EVI5: variants seen among roughly 807,000 people sequenced by gnomAD.
The protein encoded by EVI5 is ecotropic viral integration site 5 protein homolog.
Under a neutral mutation model 112.0 loss-of-function variants are expected in EVI5, and 73 were observed. That is an observed-to-expected ratio of 0.65 (90% confidence interval 0.54 to 0.79). The LOEUF (loss-of-function observed/expected upper bound fraction) is 0.79, where lower values mean the gene tolerates loss of function less well. EVI5 is among the 30% of genes least tolerant of loss of function. The pLI, the probability that EVI5 is intolerant of heterozygous loss-of-function variation, is 0.00. For missense variants in EVI5, 900 were observed against 968.8 expected, an observed-to-expected ratio of 0.93 and a Z score of 0.94; for synonymous variants, 305 against 319.9, an observed-to-expected ratio of 0.95 and a Z score of 0.50.
chr1:92,619,939 TA>T (rs1459340291), intron 16 of EVI5, among the ~76,000 whole-genome samples: 1 of 151,950 alleles, frequency 6.6e-6, no homozygotes, highest in Non-Finnish European at 1.5e-5. Flanking sequence ...AGAAAAATGA[TA>T]GGGGCAAAAC....
rs963206352 is a variant in EVI5 at position 92,573,333 on chromosome 1, G to A, written c.2071-9596C>T. On this transcript the variant is annotated intron_variant, in intron 18 of 19. Coordinates refer to ENST00000684568, the MANE Select transcript of EVI5 (RefSeq NM_001350197.2). ...ACCTACATTTGAAGTGTACTGGTTT[G>A]AATAACCTTTGAAAATTAACTATTT... Among the ~76,000 whole-genome samples, 4 of 152,160 alleles carry A rather than the reference G, an allele frequency of 2.6e-5. No homozygotes were observed. In the East Asian group the frequency reaches 7.7e-4, roughly 29 times the overall value.
chr1:92,724,797 G>C (rs944833491), intron 2 of EVI5, among the ~76,000 whole-genome samples: 8 of 151,954 alleles, frequency 5.3e-5, no homozygotes, highest in African/African-American at 1.9e-4. Flanking sequence ...AACAGAGTAA[G>C]ACCCTGTCTT....
chr1:92,739,600 A>C (rs1160693917), intron 1 of EVI5, among the ~76,000 whole-genome samples: 1 of 152,194 alleles, frequency 6.6e-6, no homozygotes, highest in Non-Finnish European at 1.5e-5. Flanking sequence ...TATATAAATT[A>C]TATCTCAATT....
intron 19 of EVI5, among the ~76,000 whole-genome samples, chr1:92,527,122 A>C (rs1662013031): frequency 6.6e-6 from 1 of 152,092 alleles, no homozygotes; most frequent in Admixed American, 6.6e-5. Context: ...GTGTTTCAAG[A>C]ATGTATTTAG....
intron 18 of EVI5, among the ~76,000 whole-genome samples, chr1:92,577,323 T>C (rs753255385): frequency 3.3e-5 from 5 of 152,198 alleles, no homozygotes; most frequent in Non-Finnish European, 5.9e-5. Flanking sequence ...AATATGCTGG[T>C]CTGATTTGAA....
At chr1:92,599,370 T>C (rs1368523115) in intron 18 of EVI5, among the ~76,000 whole-genome samples, 1 of 152,024 alleles carries the variant, frequency 6.6e-6, no homozygotes, top group Non-Finnish European at 1.5e-5. Flanking sequence ...TTAGACTAAG[T>C]TGAGTTCTCC....
In EVI5 at chr1:92,694,818, C is replaced by G. The variant is rs185636383; in HGVS notation, c.910-430G>C. Among the ~76,000 whole-genome samples the G allele has an allele frequency of 1.4e-3, 220 of 152,290 alleles. 1 individual carries two copies. Among genetic ancestry groups the G allele is most frequent in the Admixed American group, 6.3e-3 (97 of 15,290 alleles). ...AACATTGAGTTCACAGACTAGAAAA[C>G]AAAGGATTACCTCTATGTGCTACTG... On this transcript the variant is annotated intron_variant, in intron 7 of 19. Coordinates refer to ENST00000684568, the MANE Select transcript of EVI5 (RefSeq NM_001350197.2).
At chr1:92,774,855 T>C (rs1237643014) in intron 1 of EVI5, among the ~76,000 whole-genome samples, 13 of 152,140 alleles carry the variant, frequency 8.5e-5, no homozygotes, top group South Asian at 2.1e-4. Context: ...AGTAAACAGC[T>C]AAAAATGCAA....
At chr1:92,607,865 T>C in intron 16 of EVI5, 138 bp from the exon 17 acceptor site, 1 of 580,738 alleles carries the variant, frequency 1.7e-6, no homozygotes, top group Non-Finnish European at 2.9e-6. Flanking sequence ...AAAATCAACA[T>C]TAAAAAATAA....
At chr1:92,637,733 A>G (rs917465000) in intron 13 of EVI5, among the ~76,000 whole-genome samples, 1 of 152,196 alleles carries the variant, frequency 6.6e-6, no homozygotes, top group Non-Finnish European at 1.5e-5. Flanking sequence ...AAGCACAGTT[A>G]TTTTTACTCT....
At chr1:92,555,233 A>C (rs1432224685) in intron 19 of EVI5, among the ~76,000 whole-genome samples, 1 of 152,194 alleles carries the variant, frequency 6.6e-6, no homozygotes, top group African/African-American at 2.4e-5. Flanking sequence ...ATTTAAGGGA[A>C]TAATTTCTTT....
chr1:92,531,538 G>GA (rs1662866644), intron 19 of EVI5, among the ~76,000 whole-genome samples: 2 of 152,320 alleles, frequency 1.3e-5, no homozygotes, highest in Admixed American at 1.3e-4. Context: ...CAGCCAGAAA[G>GA]AAAGGGTGGG....
At chr1:92,750,986 TAAA>T (rs1427911463) in intron 1 of EVI5, among the ~76,000 whole-genome samples, 1 of 152,048 alleles carries the variant, frequency 6.6e-6, no homozygotes, top group African/African-American at 2.4e-5. Context: ...CCGTTTCTAC[TAAA>T]AATACAAAAA....
chr1:92,663,043 G>A (rs763426748), intron 12 of EVI5, among the ~76,000 whole-genome samples, 178 bp from the exon 13 acceptor site: 1 of 150,972 alleles, frequency 6.6e-6, no homozygotes, highest in Non-Finnish European at 1.5e-5. Flanking sequence ...GCAAATTTTC[G>A]GAAACTAAAC....
upstream of EVI5, among the ~76,000 whole-genome samples, chr1:92,786,736 C>T (rs1010524067): frequency 1.3e-5 from 2 of 152,210 alleles, no homozygotes; most frequent in African/African-American, 4.8e-5. Flanking sequence ...GCCTAAACCA[C>T]TTAAACACTT....
intron 2 of EVI5, among the ~76,000 whole-genome samples, chr1:92,726,280 A>C (rs1022693282): frequency 6.6e-6 from 1 of 152,222 alleles, no homozygotes. Flanking sequence ...AAAACCAGTG[A>C]TAAAGCAGAG....
At chr1:92,732,487 T>G (rs1329807685) in intron 2 of EVI5, 1 of 193,398 alleles carries the variant, frequency 5.2e-6, no homozygotes. Context: ...AGGGAGAAAC[T>G]ATTTGCTTTC....
intron 18 of EVI5, among the ~76,000 whole-genome samples, chr1:92,578,870 A>C (rs1671507689): frequency 6.6e-6 from 1 of 152,012 alleles, no homozygotes; most frequent in South Asian, 2.1e-4. Flanking sequence ...AATATAAACC[A>C]TGGTTTTGTT....
chr1:92,542,064 T>C (rs760183510), intron 19 of EVI5, among the ~76,000 whole-genome samples: 1 of 152,230 alleles, frequency 6.6e-6, no homozygotes, highest in Non-Finnish European at 1.5e-5. Context: ...CACTCGGCCT[T>C]GCATGAAGTA....
Sources: allele counts gnomAD v4.1 joint callset (sites outside exome capture counted in the v4.1 genomes callset), GRCh38; gene constraint gnomAD v4.1.1; transcripts MANE v1.5; gene names NCBI Gene and HGNC (gene_info 2026-07-23, HGNC 2026-07-21).